The following RBFOX1 variants were observed in gnomAD, a reference collection of about 807,000 sequenced individuals.
The protein encoded by RBFOX1 is RNA binding fox-1 homolog 1, also known as RNA binding protein fox-1 homolog 1.
In RBFOX1, 8 loss-of-function variants were observed where a neutral mutation model predicts 57.7. That is an observed-to-expected ratio of 0.14 (90% CI 0.08 to 0.25). The LOEUF (loss-of-function observed/expected upper bound fraction) is 0.25, where lower values mean the gene tolerates loss of function less well. Among genes scored for constraint, RBFOX1 ranks in the 10% least tolerant of loss-of-function variants. The pLI, the probability that RBFOX1 is intolerant of heterozygous loss-of-function variation, is 1.00. For synonymous variants in RBFOX1, 326 were observed against 222.4 expected (o/e 1.47, Z -4.15); for missense variants, 611 against 548.5 (o/e 1.11, Z -1.14).
At chr16:6,999,921 A>G (rs2153630572) in intron 3 of RBFOX1, among the ~76,000 whole-genome samples, 1 of 152,110 alleles carries the variant, frequency 6.6e-6, no homozygotes, top group Non-Finnish European at 1.5e-5. Context: ...AAAATACAGA[A>G]GTTAACCAGG....
intron 4 of RBFOX1, among the ~76,000 whole-genome samples, chr16:7,468,671 T>C (rs1296606484): frequency 1.3e-5 from 2 of 152,106 alleles, no homozygotes; most frequent in Non-Finnish European, 2.9e-5. Flanking sequence ...CATGCATGCA[T>C]AGGATGCTTT....
intron 4 of RBFOX1, among the ~76,000 whole-genome samples, chr16:5,908,159 T>TC (rs1567133683): frequency 2.3e-5 from 3 of 129,264 alleles, no homozygotes; most frequent in African/African-American, 1.0e-4. Context: ...TATATACACA[T>TC]ATATATACAC....
intron 1 of RBFOX1, among the ~76,000 whole-genome samples, chr16:6,122,928 G>A (rs1230400263): frequency 1.3e-5 from 2 of 149,840 alleles, no homozygotes; most frequent in East Asian, 3.9e-4. Flanking sequence ...AATACCACCA[G>A]TAGAAAAATA....
At chr16:5,250,175 A>G (rs2062414722) in intron 1 of RBFOX1, among the ~76,000 whole-genome samples, 1 of 152,158 alleles carries the variant, frequency 6.6e-6, no homozygotes, top group Admixed American at 6.6e-5. Context: ...ACAAAAAGCA[A>G]AACTTCCTTT....
At chr16:5,770,153 C>A (rs1392438362) in intron 3 of RBFOX1, among the ~76,000 whole-genome samples, 1 of 152,068 alleles carries the variant, frequency 6.6e-6, no homozygotes, top group South Asian at 2.1e-4. Flanking sequence ...ATGAGCTATG[C>A]TTAAGTGAGA....
At chr16:7,222,289 C>T (rs946719989) in intron 4 of RBFOX1, among the ~76,000 whole-genome samples, 1 of 152,192 alleles carries the variant, frequency 6.6e-6, no homozygotes, top group Admixed American at 6.5e-5. Context: ...AGATATAATA[C>T]TACACTAGAC....
At chr16:6,631,132 G>A (rs913052769) in intron 2 of RBFOX1, among the ~76,000 whole-genome samples, 1 of 152,076 alleles carries the variant, frequency 6.6e-6, no homozygotes, top group African/African-American at 2.4e-5. Context: ...ACATGAAAAG[G>A]CAGATAGAAA....
intron 1 of RBFOX1, among the ~76,000 whole-genome samples, chr16:5,428,122 CTGTGTGTG>C (rs3084227): frequency 0.039 from 5,602 of 141,824 alleles, 351 homozygotes; most frequent in African/African-American, 0.14. Flanking sequence ...GTGTGTGTGT[CTGTGTGTG>C]TGTGTGTGTG....
intron 3 of RBFOX1, among the ~76,000 whole-genome samples, chr16:6,977,156 TA>T (rs1199995926): frequency 1.0e-4 from 14 of 137,090 alleles, no homozygotes; most frequent in East Asian, 4.3e-4. Flanking sequence ...ATATCATATA[TA>T]TCATATATTA....
At chr16:5,590,072 CACACAA>C (rs1567267295) in intron 2 of RBFOX1, among the ~76,000 whole-genome samples, 1 of 97,480 alleles carries the variant, frequency 1.0e-5, no homozygotes, top group East Asian at 3.6e-4. Flanking sequence ...CACACACACA[CACACAA>C]AAAGGGCAGC....
intron 2 of RBFOX1, among the ~76,000 whole-genome samples, chr16:5,553,834 C>T (rs2045567605): frequency 6.6e-6 from 1 of 151,870 alleles, no homozygotes; most frequent in African/African-American, 2.4e-5. Context: ...TAAAGGTCAA[C>T]AAAATATCCT....
intron 14 of RBFOX1, 138 bp from the exon 15 acceptor site, chr16:7,708,918 C>T: frequency 2.8e-6 from 2 of 717,956 alleles, no homozygotes; most frequent in Non-Finnish European, 4.9e-6. Context: ...TCTTATACTA[C>T]ACAGCAGAGT....
chr16:6,406,342 A>G (rs1442797311), intron 2 of RBFOX1, among the ~76,000 whole-genome samples: 1 of 120,428 alleles, frequency 8.3e-6, no homozygotes, highest in Non-Finnish European at 2.0e-5. Context: ...TTCTGTCTCC[A>G]TAGAAGATGT....
At chr16:6,747,302 G>C (rs929659093) in intron 3 of RBFOX1, among the ~76,000 whole-genome samples, 1 of 152,108 alleles carries the variant, frequency 6.6e-6, no homozygotes, top group Non-Finnish European at 1.5e-5. Flanking sequence ...AGCTACTCAA[G>C]AGGCTGAGGC....
intron 3 of RBFOX1, among the ~76,000 whole-genome samples, chr16:6,992,578 G>A (rs1352899141): frequency 2.0e-5 from 3 of 151,950 alleles, no homozygotes; most frequent in Admixed American, 2.0e-4. Flanking sequence ...AGTAGTCGTG[G>A]TATTTCTCTG....
chr16:5,285,923 C>T (rs1026304118), intron 1 of RBFOX1, among the ~76,000 whole-genome samples: 5 of 152,110 alleles, frequency 3.3e-5, no homozygotes, highest in Non-Finnish European at 7.4e-5. Flanking sequence ...AGGCGCCTGC[C>T]ACCACACCTG....
intron 3 of RBFOX1, among the ~76,000 whole-genome samples, chr16:6,981,758 T>G (rs8054316): frequency 6.6e-6 from 1 of 152,120 alleles, no homozygotes; most frequent in African/African-American, 2.4e-5. Flanking sequence ...ATTCAATTAT[T>G]TCCCGCCTGG....
chr16:6,721,438 G>A (rs1049932744), intron 3 of RBFOX1, among the ~76,000 whole-genome samples: 2 of 152,116 alleles, frequency 1.3e-5, no homozygotes, highest in Non-Finnish European at 2.9e-5. Flanking sequence ...GCGAGACTCT[G>A]TCTCAAAAAC....
intron 3 of RBFOX1, among the ~76,000 whole-genome samples, chr16:7,040,336 C>G (rs891065311): frequency 6.6e-6 from 1 of 151,980 alleles, no homozygotes; most frequent in Non-Finnish European, 1.5e-5. Flanking sequence ...TTTATAGCCA[C>G]CATTAATCAC....
Sources: gnomAD v4.1 joint callset for allele counts (sites outside exome capture counted in the v4.1 genomes callset) on GRCh38, gnomAD v4.1.1 for gene constraint, MANE v1.5 for transcripts, NCBI Gene and HGNC (gene_info 2026-07-23, HGNC 2026-07-21) for gene names.